The following GFRA1 variants were observed in gnomAD, a reference collection of about 807,000 sequenced individuals.
GFRA1 encodes GDNF family receptor alpha-1.
A neutral mutation model predicts 51.6 loss-of-function variants in GFRA1; 16 were observed. The ratio of observed to expected loss-of-function variants is 0.31; its 90% CI spans 0.21 to 0.47. The LOEUF (loss-of-function observed/expected upper bound fraction) is 0.47. Among genes scored for constraint, GFRA1 ranks in the 20% least tolerant of loss-of-function variants. The pLI is 1.00. For missense variants in GFRA1, 530 were observed against 594.3 expected (o/e 0.89, Z 1.13); for synonymous variants, 270 against 241.3 (o/e 1.12, Z -1.10).
chr10:116,211,729 G>T, intron 4 of GFRA1, 84 bp from the exon 5 acceptor site: 1 of 1,121,582 alleles, frequency 8.9e-7, no homozygotes, highest in Non-Finnish European at 1.3e-6. Flanking sequence ...GAAAAGGACA[G>T]TATGATGATG....
chr10:116,191,542 T>C (rs1379676830), intron 5 of GFRA1, among the ~76,000 whole-genome samples: 8 of 152,164 alleles, frequency 5.3e-5, no homozygotes. Context: ...CTTTTCTGTC[T>C]ATAAGAAAGG....
intron 5 of GFRA1, among the ~76,000 whole-genome samples, chr10:116,206,635 T>C (rs1304958410): frequency 7.0e-6 from 1 of 142,508 alleles, no homozygotes; most frequent in Non-Finnish European, 1.5e-5. Flanking sequence ...TTTTTTTTTT[T>C]TTTTTTTTTT....
At chr10:116,264,400 C>T (rs1458510670) in intron 4 of GFRA1, among the ~76,000 whole-genome samples, 2 of 31,188 alleles carry the variant, frequency 6.4e-5, no homozygotes, top group Admixed American at 9.6e-4. Context: ...GACAGAATGC[C>T]GGCTCAGGAT....
chr10:116,240,770 G>C (rs1024811342), intron 4 of GFRA1, among the ~76,000 whole-genome samples: 10 of 152,174 alleles, frequency 6.6e-5, no homozygotes, highest in Non-Finnish European at 1.3e-4. Context: ...GCTTGGCATA[G>C]AGTGGGCTGT....
At chr10:116,149,347 C>T (rs1479830148) in intron 5 of GFRA1, among the ~76,000 whole-genome samples, 2 of 152,072 alleles carry the variant, frequency 1.3e-5, no homozygotes, top group Admixed American at 6.5e-5. Context: ...GTTAGAGAAA[C>T]AGGGATTTTT....
At chr10:116,262,731 G>A (rs1011621595) in intron 4 of GFRA1, among the ~76,000 whole-genome samples, 3 of 152,196 alleles carry the variant, frequency 2.0e-5, no homozygotes, top group Non-Finnish European at 4.4e-5. Context: ...AAAACCAAAA[G>A]TAGTGGTCTG....
chr10:116,172,472 G>A (rs1961127243), intron 5 of GFRA1, among the ~76,000 whole-genome samples: 1 of 152,310 alleles, frequency 6.6e-6, no homozygotes, highest in East Asian at 1.9e-4. Context: ...GGCTGTCAAT[G>A]AGAGATGAGG....
intron 5 of GFRA1, among the ~76,000 whole-genome samples, chr10:116,203,346 A>G (rs1964488132): frequency 6.6e-6 from 1 of 152,192 alleles, no homozygotes; most frequent in African/African-American, 2.4e-5. Context: ...TCAGGGGTTC[A>G]AGCAGCCCCC....
chr10:116,194,066 TAA>T (rs1051845471), intron 5 of GFRA1, among the ~76,000 whole-genome samples: 4 of 27,000 alleles, frequency 1.5e-4, no homozygotes, highest in African/African-American at 2.0e-4. Flanking sequence ...AAATAAAATT[TAA>T]AAAAAAAAAA....
In GFRA1 at chr10:116,272,207, G is replaced by A; in HGVS notation, c.-178C>T. The A allele has an allele frequency of 3.1e-6, 2 of 654,330 alleles. No individual in the cohort carries two copies. Among genetic ancestry groups the A allele is most frequent in the Non-Finnish European group, 5.4e-6 (2 of 369,764 alleles). The allele number at this position is 654,330 out of a possible 1,614,324, so 40.5% of individuals were successfully genotyped here. A position where few individuals can be genotyped will look rare whatever the true frequency, so the allele number is the denominator to read the frequency against. ...GGGTCTGGCAGCAGCCACCGCCGCC[G>A]GCGACTCAGCTCCGGGATGGCGAGG... On this transcript the variant is annotated 5_prime_UTR_variant, in exon 2 of 11. Transcript: ENST00000355422. This position sits in a 1 kb window ranked among gnomAD's most constrained non-coding sequence, Gnocchi z 4.4.
At chr10:116,157,167 G>A (rs772384717) in intron 5 of GFRA1, among the ~76,000 whole-genome samples, 42 of 152,178 alleles carry the variant, frequency 2.8e-4, no homozygotes, top group Non-Finnish European at 1.6e-4. Context: ...CTCTCTGGGC[G>A]CCATTTGTGA....
chr10:116,178,240 C>T (rs901603910), intron 5 of GFRA1, among the ~76,000 whole-genome samples: 5 of 146,362 alleles, frequency 3.4e-5, no homozygotes, highest in Admixed American at 7.0e-5. Context: ...ATCCCCTAAA[C>T]ACAAGGATGC....
At chr10:116,190,014 G>A (rs553775800) in intron 5 of GFRA1, among the ~76,000 whole-genome samples, 27 of 152,210 alleles carry the variant, frequency 1.8e-4, no homozygotes, top group South Asian at 1.0e-3. Flanking sequence ...GGCAGAGAGC[G>A]GGACCAGAAC....
chr10:116,196,593 T>TA (rs1963805854), intron 5 of GFRA1, among the ~76,000 whole-genome samples: 1 of 14,476 alleles, frequency 6.9e-5, no homozygotes, highest in African/African-American at 1.1e-4. Context: ...TAGTACTATA[T>TA]ATAATATATA....
chr10:116,158,082 A>G (rs948236926), intron 5 of GFRA1, among the ~76,000 whole-genome samples: 15 of 152,118 alleles, frequency 9.9e-5, no homozygotes, highest in African/African-American at 2.9e-4. Flanking sequence ...TGTCATTCCT[A>G]CTTCCTCAGG....
intron 9 of GFRA1, among the ~76,000 whole-genome samples, chr10:116,066,077 CGTTGCAATAAACATCTGCATTTAT>C (rs1955098151): frequency 6.6e-6 from 1 of 152,166 alleles, no homozygotes; most frequent in South Asian, 2.1e-4. Context: ...TAGGTAAAAA[CGTTGCAATAAACATCTGCATTTAT>C]TAGTGATACA....
At chr10:116,166,703 C>T (rs1960452294) in intron 5 of GFRA1, among the ~76,000 whole-genome samples, 1 of 151,728 alleles carries the variant, frequency 6.6e-6, no homozygotes, top group Non-Finnish European at 1.5e-5. Context: ...TCCTTCCCTG[C>T]CAGTTCCTCC....
chr10:116,078,458 C>T (rs1343604094), intron 9 of GFRA1, among the ~76,000 whole-genome samples: 1 of 152,142 alleles, frequency 6.6e-6, no homozygotes, highest in Non-Finnish European at 1.5e-5. Context: ...GTTCACCACA[C>T]AGGGCCTGGA....
chr10:116,089,452 C>G (rs1956236428), intron 9 of GFRA1, among the ~76,000 whole-genome samples: 1 of 152,136 alleles, frequency 6.6e-6, no homozygotes. Context: ...GCACAGAAAA[C>G]TTCAGAGATG....
Sources: gnomAD v4.1 joint callset for allele counts (sites outside exome capture counted in the v4.1 genomes callset) on GRCh38, gnomAD v4.1.1 for gene constraint, Gnocchi (gnomAD v3.1) non-coding constraint, MANE v1.5 for transcripts, NCBI Gene and HGNC (gene_info 2026-07-23, HGNC 2026-07-21) for gene names.